Variants in CPNE7 observed in about 807,000 individuals in gnomAD.
CPNE7 encodes the protein copine-7.
In CPNE7, 78 loss-of-function variants were observed where a neutral mutation model predicts 66.5. The observed-to-expected ratio is 1.17, with a 90% CI of 0.98 to 1.42. CPNE7 has a LOEUF of 1.42. Among genes scored for constraint, CPNE7 ranks in the 40% most tolerant of loss-of-function variants. CPNE7 has a pLI of 0.00. For missense variants in CPNE7, 1,012 were observed against 776.6 expected, an observed-to-expected ratio of 1.30 and a Z score of -3.60; for synonymous variants, 468 against 336.7, an observed-to-expected ratio of 1.39 and a Z score of -4.27.
chr16:89,588,952 C>A (rs574437481), intron 10 of CPNE7, 144 bp downstream of exon 10: 7 of 944,638 alleles, frequency 7.4e-6, no homozygotes, highest in African/African-American at 6.5e-5. Flanking sequence ...CCCCTGGGCT[C>A]CAGGTCAGGC....
chr16:89,592,005 T>C (rs1185257255), intron 13 of CPNE7, among the ~76,000 whole-genome samples: 1 of 130,224 alleles, frequency 7.7e-6, no homozygotes, highest in Admixed American at 7.6e-5. Context: ...GGCATTCTTT[T>C]TTTTGTTGTT....
intron 10 of CPNE7, among the ~76,000 whole-genome samples, chr16:89,589,468 C>T (rs552478182): frequency 1.4e-4 from 21 of 152,290 alleles, no homozygotes; most frequent in Admixed American, 5.2e-4. Context: ...CGGCACAAAA[C>T]CCTGTGCTCT....
At position 89,575,823 on chromosome 16, in the gene CPNE7, C is replaced by T. The variant is rs1438929371; in HGVS notation, c.-75C>T. On this transcript the variant is annotated 5_prime_UTR_variant, in exon 1 of 15. Coordinates refer to ENST00000319518, the MANE Select transcript of CPNE7 (RefSeq NM_153636.3). ...CACGCCTGGGCCGGCCACCATTTCC[C>T]GGGCGCCGCGGCGGCGCCGACTCGC... 4 of 1,056,524 alleles carry T rather than the reference C, an allele frequency of 3.8e-6. No homozygotes were observed. The highest frequency in any genetic ancestry group is 3.5e-6 in the Non-Finnish European group (3 of 864,834). The allele number at this position is 1,056,524 out of a possible 1,614,324, so 65.4% of individuals were successfully genotyped here.
At chr16:89,593,601 C>T (rs577701167) in intron 13 of CPNE7, among the ~76,000 whole-genome samples, 1 of 152,272 alleles carries the variant, frequency 6.6e-6, no homozygotes, top group South Asian at 2.1e-4. Context: ...ATCCGCCCAC[C>T]TCGGCCTCCC....
In CPNE7 at chr16:89,588,792, T is replaced by C. The variant is rs1046457272; in HGVS notation, c.1045T>C (p.Cys349Arg). The C allele has an allele frequency of 1.9e-6, 3 of 1,613,444 alleles. No homozygotes were observed. Among genetic ancestry groups the C allele is most frequent in the Non-Finnish European group, 2.5e-6 (3 of 1,179,920 alleles). The stretch of plus-strand genomic sequence containing the variant: ...GGCACTGGTGTCCGTGGGCGAGATC[T>C]GCCAGGACTATGACAGGTGCGCCCA... ...LKALVSVGEI[C>R]QDYDSDKRFS... is the part of the protein sequence containing the mutation. The change falls in exon 10 of 15, where the codon TGC becomes CGC. Residue 349 changes from cysteine (C) to arginine (R), a missense_variant. Physicochemically the swap from Cys to Arg is radical, Grantham distance 180 (BLOSUM62 -3). Coordinates refer to ENST00000319518, the MANE Select transcript of CPNE7 (RefSeq NM_153636.3).
Position 89,595,419 on chromosome 16 carries a change from A to T in CPNE7, c.1355A>T (p.Asp452Val). The change falls in exon 14 of 15, where the codon GAC (aspartate) becomes GTC (valine). Residue 452 changes from aspartate to valine, a missense_variant. Transcript: ENST00000319518. ...LTDGVVTDMA[D>V]TREAIVRASR... The stretch of plus-strand genomic sequence containing the variant: ...GACGGCGTGGTGACCGACATGGCCG[A>T]CACACGGGAGGCCATTGTGCGTGCC... The T allele has an allele frequency of 6.2e-7, 1 of 1,605,034 alleles. No homozygotes were observed. The highest frequency in any genetic ancestry group is 1.1e-5 in the South Asian group (1 of 90,632).
At chr16:89,587,377 C>A (rs2059070950) in intron 9 of CPNE7, among the ~76,000 whole-genome samples, 1 of 108,142 alleles carries the variant, frequency 9.2e-6, no homozygotes, top group Non-Finnish European at 1.9e-5. Context: ...GGGTCCCAGC[C>A]TGGCGGGTGA....
rs752712176 is a variant in CPNE7, at chr16:89,595,618, G to C, written c.1539+15G>C. Reference sequence around the variant, plus strand: ...AGCTCAAGAACGTGAGTGTCCTGGAGGGGCTCCGTCAAGGCCGGCTTGGGG... The same window carrying C: ...AGCTCAAGAACGTGAGTGTCCTGGACGGGCTCCGTCAAGGCCGGCTTGGGG... On this transcript the variant is annotated intron_variant, in intron 14 of 14. Coordinates refer to ENST00000319518, the MANE Select transcript of CPNE7 (RefSeq NM_153636.3). The C allele has an allele frequency of 1.9e-6, 3 of 1,591,156 alleles. No homozygotes were observed. The highest frequency in any genetic ancestry group is 1.1e-5 in the South Asian group (1 of 89,600).
At chr16:89,581,298 A>T (rs1300766752) in intron 2 of CPNE7, among the ~76,000 whole-genome samples, 1 of 143,496 alleles carries the variant, frequency 7.0e-6, no homozygotes, top group Non-Finnish European at 1.5e-5. Context: ...CACACAGAAC[A>T]TCCCGTCACC....
In CPNE7 at chr16:89,586,774, C is replaced by G; in HGVS notation, c.867+18C>G. On this transcript the variant is annotated intron_variant, in intron 8 of 14. Coordinates refer to ENST00000319518, the MANE Select transcript of CPNE7 (RefSeq NM_153636.3). The stretch of plus-strand genomic sequence containing the variant: ...ACCTCAAGGTGAGAGGTGGCTGTGC[C>G]CGAAGCCTCCCCACCCACAAGAGGG... The G allele has an allele frequency of 6.2e-7, 1 of 1,600,742 alleles. No individual in the cohort carries two copies. Among genetic ancestry groups the G allele is most frequent in the Non-Finnish European group, 8.6e-7 (1 of 1,168,790 alleles).
intron 13 of CPNE7, among the ~76,000 whole-genome samples, chr16:89,592,032 G>C (rs2151457877): frequency 6.8e-6 from 1 of 147,088 alleles, no homozygotes; most frequent in East Asian, 2.0e-4. Context: ...TTTTGAGACG[G>C]AGTCTCGCTC....
chr16:89,588,940 C>A, intron 10 of CPNE7, 132 bp downstream of exon 10: 1 of 1,065,752 alleles, frequency 9.4e-7, no homozygotes, highest in Middle Eastern at 2.1e-4. Flanking sequence ...TTTTCCCTCA[C>A]CCCCCTGGGC....
At chr16:89,578,977 G>A (rs368043912) in intron 2 of CPNE7, 2 of 1,605,238 alleles carry the variant, frequency 1.2e-6, no homozygotes, top group African/African-American at 2.7e-5. Flanking sequence ...TGCCAGGACG[G>A]GTCCTTCTTT....
rs2059046236 is a variant in CPNE7, at chr16:89,586,729, AG to A, written c.842del (p.Gly281GlufsTer59). On this transcript the variant is annotated frameshift_variant, in exon 8 of 15. Coordinates refer to ENST00000319518, the MANE Select transcript of CPNE7 (RefSeq NM_153636.3). LOFTEE classifies it high-confidence loss of function. Reference sequence around the variant, plus strand: ...AGAAGAGACGCAGTTATAAGAACTCAGGAGTGGTCGTCCTGGCTGACCTCAA... The same window carrying A: ...AGAAGAGACGCAGTTATAAGAACTCAGAGTGGTCGTCCTGGCTGACCTCAA... The part of the protein sequence containing the change: ...KQKRRSYKNS[G>X]VVVLADLKFH... 1.2e-6 allele frequency: 2 copies of A among 1,612,848 alleles called. No individual in the cohort carries two copies. The highest frequency in any genetic ancestry group is 1.7e-6 in the Non-Finnish European group (2 of 1,179,648).
chr16:89,588,241 C>A (rs1033617596), intron 9 of CPNE7, among the ~76,000 whole-genome samples: 1 of 152,178 alleles, frequency 6.6e-6, no homozygotes, highest in Non-Finnish European at 1.5e-5. Context: ...CCCGTGTCAC[C>A]CGCGTGTTAT....
In CPNE7 at chr16:89,575,826, G is replaced by C. The variant is rs1350628898; in HGVS notation, c.-72G>C. On this transcript the variant is annotated 5_prime_UTR_variant, in exon 1 of 15. Coordinates refer to ENST00000319518, the MANE Select transcript of CPNE7 (RefSeq NM_153636.3). The stretch of plus-strand genomic sequence containing the variant: ...GCCTGGGCCGGCCACCATTTCCCGG[G>C]CGCCGCGGCGGCGCCGACTCGCGGG... 9.6e-5 allele frequency: 103 copies of C among 1,071,028 alleles called. No homozygotes were observed. The highest frequency in any genetic ancestry group is 1.1e-4 in the Non-Finnish European group (100 of 876,588). The allele number at this position is 1,071,028 out of a possible 1,614,324, so 66.3% of individuals were successfully genotyped here. A position where few individuals can be genotyped will look rare whatever the true frequency, so the allele number is the denominator to read the frequency against.
Position 89,595,372 on chromosome 16 carries a change from C to T in CPNE7, c.1308C>T (p.Tyr436=), listed in dbSNP as rs747919794. 3.8e-6 allele frequency: 6 copies of T among 1,571,100 alleles called. No homozygotes were observed. In the Admixed American group the frequency reaches 6.9e-5, roughly 18 times the overall value. ...TGCCTTTCCTGTGCCCCCAGCAATA[C>T]TACATCCTGCTGATCCTGACGGACG... is the stretch of plus-strand genomic sequence containing the variant. The part of the protein sequence containing the change: ...AEESTGKASQ[Y]YILLILTDGV... Residue 436 remains tyrosine (Y), a synonymous_variant, in exon 14 of 15, where the codon TAC becomes TAT. Transcript: ENST00000319518.
chr16:89,576,598 G>A (rs140236332), intron 1 of CPNE7, among the ~76,000 whole-genome samples: 1 of 152,326 alleles, frequency 6.6e-6, no homozygotes, highest in Non-Finnish European at 1.5e-5. Flanking sequence ...CACGGGGCCG[G>A]CGCCAGACGG....
chr16:89,591,805 A>G (rs1053730283), intron 13 of CPNE7, among the ~76,000 whole-genome samples: 3 of 151,432 alleles, frequency 2.0e-5, no homozygotes, highest in African/African-American at 7.3e-5. Context: ...GGTTCACGCC[A>G]TTCTCCTGCC....
Sources: gnomAD v4.1 joint callset for allele counts (sites outside exome capture counted in the v4.1 genomes callset) on GRCh38, gnomAD v4.1.1 for gene constraint, MANE v1.5 for transcripts, NCBI Gene and HGNC (gene_info 2026-07-23, HGNC 2026-07-21) for gene names.